The following GRID2 variants were observed in gnomAD, a reference collection of about 807,000 sequenced individuals.
GRID2 encodes glutamate receptor ionotropic, delta-2.
GRID2 carries 33 observed loss-of-function variants against 114.8 expected under a neutral mutation model. The ratio of observed to expected loss-of-function variants is 0.29; its 90% CI spans 0.22 to 0.38. GRID2 has a LOEUF of 0.38. GRID2 is among the 10% of genes least tolerant of loss of function. The pLI, the probability that GRID2 is intolerant of heterozygous loss-of-function variation, is 1.00. For missense variants in GRID2, 1,184 were observed against 1,257.7 expected (o/e 0.94, Z 0.89); for synonymous variants, 505 against 449.9 (o/e 1.12, Z -1.55).
At chr4:93,193,989 A>G (rs897484081) in intron 4 of GRID2, among the ~76,000 whole-genome samples, 1 of 152,200 alleles carries the variant, frequency 6.6e-6, no homozygotes, top group African/African-American at 2.4e-5. Flanking sequence ...AGAAATACAT[A>G]CAGTAATCTT....
At chr4:93,380,552 G>A (rs1378171355) in intron 8 of GRID2, among the ~76,000 whole-genome samples, 5 of 151,398 alleles carry the variant, frequency 3.3e-5, no homozygotes, top group African/African-American at 9.7e-5. Flanking sequence ...AAATGCAAGT[G>A]CATACAGAAA....
chr4:92,583,996 T>C (rs1052155930), intron 1 of GRID2, among the ~76,000 whole-genome samples: 7 of 151,426 alleles, frequency 4.6e-5, no homozygotes, highest in African/African-American at 1.7e-4. Flanking sequence ...TAGCTGATAC[T>C]ATGCTAAGTG....
intron 12 of GRID2, among the ~76,000 whole-genome samples, chr4:93,497,052 T>C (rs1281639269): frequency 7.0e-6 from 1 of 142,692 alleles, no homozygotes; most frequent in Non-Finnish European, 1.5e-5. Context: ...GGTGGTATCA[T>C]TTTTTTTTTT....
intron 1 of GRID2, among the ~76,000 whole-genome samples, chr4:92,474,017 GACA>G (rs1722173950): frequency 6.8e-6 from 1 of 147,028 alleles, no homozygotes; most frequent in Non-Finnish European, 1.5e-5. Context: ...CGTATGCGAT[GACA>G]ACAACTGAGA....
intron 4 of GRID2, among the ~76,000 whole-genome samples, chr4:93,163,385 TATATATATATATATAC>T (rs1737914558): frequency 2.2e-5 from 1 of 45,256 alleles, no homozygotes; most frequent in Non-Finnish European, 4.4e-5. Context: ...TATATATATA[TATATATATATATATAC>T]ACTATATATA....
intron 8 of GRID2, among the ~76,000 whole-genome samples, chr4:93,384,241 A>G (rs942448336): frequency 6.6e-6 from 1 of 152,136 alleles, no homozygotes; most frequent in African/African-American, 2.4e-5. Flanking sequence ...CTTTAATACA[A>G]TTGAGTTCCA....
intron 2 of GRID2, among the ~76,000 whole-genome samples, chr4:92,709,585 AAAAAATAT>A (rs1354477907): frequency 2.4e-5 from 3 of 124,360 alleles, no homozygotes; most frequent in Admixed American, 8.7e-5. Flanking sequence ...AAAAAAAAAA[AAAAAATAT>A]ATATATATAT....
intron 8 of GRID2, among the ~76,000 whole-genome samples, chr4:93,271,206 G>T (rs1196793453): frequency 2.0e-5 from 3 of 152,150 alleles, no homozygotes; most frequent in Non-Finnish European, 2.9e-5. Flanking sequence ...GAGAGAATCT[G>T]AAGGTCCTGA....
intron 13 of GRID2, among the ~76,000 whole-genome samples, chr4:93,614,770 A>C (rs558565306): frequency 2.0e-5 from 3 of 152,330 alleles, no homozygotes; most frequent in Non-Finnish European, 4.4e-5. Flanking sequence ...TTACATTTGT[A>C]GTGTGTATTT....
At chr4:93,652,784 TAAAAAAAAAAAA>T (rs200098114) in intron 14 of GRID2, among the ~76,000 whole-genome samples, 314 of 86,372 alleles carry the variant, frequency 3.6e-3, no homozygotes, top group African/African-American at 8.3e-3. Context: ...CAGTAAATGC[TAAAAAAAAAAAA>T]AAAAAAAAAA....
At chr4:92,815,939 GGAAA>G (rs1740878179) in intron 2 of GRID2, among the ~76,000 whole-genome samples, 1 of 99,948 alleles carries the variant, frequency 1.0e-5, no homozygotes, top group Non-Finnish European at 2.1e-5. Context: ...AAAAAAAAAA[GGAAA>G]GAAAAAAACA....
intron 2 of GRID2, among the ~76,000 whole-genome samples, chr4:92,854,791 A>G (rs1480185886): frequency 6.6e-6 from 1 of 152,024 alleles, no homozygotes; most frequent in Non-Finnish European, 1.5e-5. Context: ...TAATAAAAAA[A>G]TTTAGAAAGG....
At chr4:92,995,870 C>A (rs1446709526) in intron 2 of GRID2, among the ~76,000 whole-genome samples, 1 of 151,796 alleles carries the variant, frequency 6.6e-6, no homozygotes, top group South Asian at 2.1e-4. Flanking sequence ...TTTTTGATTT[C>A]TTGGTTTTGG....
chr4:92,915,810 T>C (rs1748745172), intron 2 of GRID2, among the ~76,000 whole-genome samples: 1 of 152,202 alleles, frequency 6.6e-6, no homozygotes, highest in Non-Finnish European at 1.5e-5. Flanking sequence ...ATTTCTCTAA[T>C]GATCAGTGAT....
At chr4:92,395,537 A>G (rs1460302538) in intron 1 of GRID2, among the ~76,000 whole-genome samples, 2 of 151,778 alleles carry the variant, frequency 1.3e-5, no homozygotes, top group Non-Finnish European at 3.0e-5. Context: ...AGTAAGCACA[A>G]CCAAAGCTCA....
At chr4:92,316,314 A>G (rs1725978714) in intron 1 of GRID2, among the ~76,000 whole-genome samples, 1 of 152,150 alleles carries the variant, frequency 6.6e-6, no homozygotes, top group Non-Finnish European at 1.5e-5. Flanking sequence ...ATGGTTTTTC[A>G]ATTTTTAACA....
chr4:92,864,537 T>A (rs1308822870), intron 2 of GRID2, among the ~76,000 whole-genome samples: 1 of 152,208 alleles, frequency 6.6e-6, no homozygotes, highest in Non-Finnish European at 1.5e-5. Context: ...ATTTCCCCAC[T>A]GGACTTTGCA....
At chr4:93,231,464 G>T (rs1327539739) in intron 7 of GRID2, among the ~76,000 whole-genome samples, 4 of 151,088 alleles carry the variant, frequency 2.6e-5, no homozygotes, top group Non-Finnish European at 5.9e-5. Context: ...ACACTCTAAG[G>T]CCAGAAACAA....
chr4:93,319,216 G>A (rs1418654826), intron 8 of GRID2, among the ~76,000 whole-genome samples: 1 of 152,048 alleles, frequency 6.6e-6, no homozygotes. Context: ...CATGTAATGA[G>A]CAAAGATCTT....
Sources: allele counts gnomAD v4.1 joint callset (sites outside exome capture counted in the v4.1 genomes callset), GRCh38; gene constraint gnomAD v4.1.1; transcripts MANE v1.5; gene names NCBI Gene and HGNC (gene_info 2026-07-23, HGNC 2026-07-21).